Variants in LIMCH1 observed in about 807,000 individuals in gnomAD.
LIMCH1 encodes the protein LIM and calponin homology domains 1, also known as LIM and calponin homology domains-containing protein 1.
In LIMCH1, 113 loss-of-function variants were observed where a neutral mutation model predicts 176.5. That is an observed-to-expected ratio of 0.64 (90% CI 0.55 to 0.75). LIMCH1 has a LOEUF of 0.75. Among genes scored for constraint, LIMCH1 ranks in the 30% least tolerant of loss-of-function variants. The pLI, the probability that LIMCH1 is intolerant of heterozygous loss-of-function variation, is 0.00. For synonymous variants in LIMCH1, 619 were observed against 645.9 expected, an observed-to-expected ratio of 0.96 and a Z score of 0.63; for missense variants, 1,674 against 1,814.9, an observed-to-expected ratio of 0.92 and a Z score of 1.41.
chr4:41,391,569 A>G (rs903968319), intron 1 of LIMCH1, among the ~76,000 whole-genome samples: 7 of 152,140 alleles, frequency 4.6e-5, no homozygotes, highest in African/African-American at 1.4e-4. Context: ...ATTCAAGATG[A>G]ACCTTCCCAA....
intron 1 of LIMCH1, among the ~76,000 whole-genome samples, chr4:41,364,040 G>A (rs980179256): frequency 3.1e-4 from 47 of 152,192 alleles, no homozygotes; most frequent in African/African-American, 1.1e-3. Context: ...TTACTTTGTA[G>A]CTGGATGACC....
At chr4:41,519,906 T>C (rs1185466143) in intron 2 of LIMCH1, among the ~76,000 whole-genome samples, 1 of 152,174 alleles carries the variant, frequency 6.6e-6, no homozygotes. Context: ...CTAATATGTA[T>C]AGGATTCAAC....
chr4:41,656,182 A>G (rs1176019175), intron 18 of LIMCH1, among the ~76,000 whole-genome samples: 1 of 152,148 alleles, frequency 6.6e-6, no homozygotes, highest in East Asian at 1.9e-4. Context: ...TTCAGTACTT[A>G]TGTTTTCTGA....
intron 1 of LIMCH1, chr4:41,386,066 G>C (rs765899306): frequency 4.6e-5 from 7 of 152,202 alleles, no homozygotes; most frequent in Non-Finnish European, 7.3e-5. Flanking sequence ...CATAGTCAAT[G>C]AATTGATACA....
At chr4:41,595,678 C>T (rs1360104507) in intron 1 of LIMCH1, among the ~76,000 whole-genome samples, 1 of 152,150 alleles carries the variant, frequency 6.6e-6, no homozygotes, top group Non-Finnish European at 1.5e-5. Flanking sequence ...ACATAATTCA[C>T]CATAATGGTC....
intron 2 of LIMCH1, among the ~76,000 whole-genome samples, chr4:41,600,246 G>A (rs1349535117): frequency 2.0e-5 from 3 of 152,094 alleles, no homozygotes; most frequent in Admixed American, 6.5e-5. Flanking sequence ...TATGGAAACC[G>A]CACTAAACCT....
At position 41,699,468 on chromosome 4, in the gene LIMCH1, G is replaced by T. The variant is rs976896752; in HGVS notation, c.*2283G>T. Reference sequence around the variant, plus strand: ...TTATATTTGATTTATATTTCATTTGGAGTCTGTTACATGGCAGCTTAGGCA... The same window carrying T: ...TTATATTTGATTTATATTTCATTTGTAGTCTGTTACATGGCAGCTTAGGCA... On this transcript the variant is annotated 3_prime_UTR_variant, in exon 32 of 32. Coordinates refer to ENST00000503057, the MANE Select transcript of LIMCH1 (RefSeq NM_001330672.2). 2.0e-5 allele frequency: 3 copies of T among 151,756 alleles called. No homozygotes were observed. Among genetic ancestry groups the T allele is most frequent in the Admixed American group, 2.0e-4 (3 of 15,212 alleles). 9.4% of individuals were successfully genotyped at this position (151,756 alleles called of 1,614,324 possible). A position where few individuals can be genotyped will look rare whatever the true frequency, so the allele number is the denominator to read the frequency against.
chr4:41,486,827 G>T (rs2069640783), intron 1 of LIMCH1, among the ~76,000 whole-genome samples: 2 of 151,770 alleles, frequency 1.3e-5, no homozygotes, highest in African/African-American at 2.4e-5. Flanking sequence ...TGTTGCCCAG[G>T]CTGGAGTGCA....
chr4:41,592,031 A>G (rs1246136811), intron 1 of LIMCH1, among the ~76,000 whole-genome samples: 1 of 152,212 alleles, frequency 6.6e-6, no homozygotes, highest in African/African-American at 2.4e-5. Context: ...TGCCTTCTGA[A>G]GAAAAGAGGA....
chr4:41,445,831 C>A (rs917064733), intron 1 of LIMCH1, among the ~76,000 whole-genome samples: 1 of 152,228 alleles, frequency 6.6e-6, no homozygotes, highest in Non-Finnish European at 1.5e-5. Context: ...GTACCTTTCT[C>A]TTCCAGGATG....
intron 1 of LIMCH1, among the ~76,000 whole-genome samples, chr4:41,568,371 C>T (rs1165800979): frequency 1.3e-5 from 2 of 152,196 alleles, no homozygotes; most frequent in South Asian, 2.1e-4. Flanking sequence ...GGAGAGCCAA[C>T]GTGACAGCTG....
intron 31 of LIMCH1, 141 bp downstream of exon 31, chr4:41,692,525 A>G (rs919664192): frequency 1.7e-6 from 1 of 592,396 alleles, no homozygotes; most frequent in South Asian, 2.1e-5. Context: ...CTAGGTTAAA[A>G]AAGAAAAGAT....
At position 41,451,202 on chromosome 4, in the gene LIMCH1, G is replaced by A. The variant is rs373539868; in HGVS notation, c.97-43334G>A. ...ACGATCTTGGCTCACCGCAACCTCCGCCTCCCGGGTTCAAGCTATTCTCCT... is the reference window on the plus strand; with the variant it reads ...ACGATCTTGGCTCACCGCAACCTCCACCTCCCGGGTTCAAGCTATTCTCCT... On this transcript the variant is annotated intron_variant, in intron 1 of 26. Coordinates refer to the LIMCH1 transcript ENST00000313860. 2.0e-3 allele frequency among the ~76,000 whole-genome samples: 302 copies of A among 152,174 alleles called. 1 individual carries two copies. Among genetic ancestry groups the A allele is most frequent in the African/African-American group, 6.5e-3 (269 of 41,534 alleles).
intron 9 of LIMCH1, among the ~76,000 whole-genome samples, chr4:41,630,777 G>A (rs1188420445): frequency 1.3e-5 from 2 of 152,150 alleles, no homozygotes; most frequent in East Asian, 1.9e-4. Flanking sequence ...AAATGGTATA[G>A]TATTTGCATA....
At position 41,620,575 on chromosome 4, in the gene LIMCH1, G is replaced by A; in HGVS notation, c.610G>A (p.Ala204Thr). 1 of 1,536,300 alleles carries A rather than the reference G, an allele frequency of 6.5e-7. No individual in the cohort carries two copies. The highest frequency in any genetic ancestry group is 8.7e-7 in the Non-Finnish European group (1 of 1,146,976). The stretch of plus-strand genomic sequence containing the variant: ...TAAGGAGCACCCTTCTTCAGACGGG[G>A]CTGTGGTGGCACCAGCTCCCAAGTC... ...SGKEHPSSDG[A>T]VVAPAPKSEE... Residue 204 changes from alanine to threonine, a missense_variant, in exon 7 of 32, where the codon GCT becomes ACT. Around this residue, in one of 3 missense-constraint regions of LIMCH1, gnomAD observed 655 missense variants for 692.2 expected, o/e 0.95. Transcript: ENST00000503057.
At chr4:41,635,857 G>T (rs1283008424) in intron 13 of LIMCH1, among the ~76,000 whole-genome samples, 3 of 152,148 alleles carry the variant, frequency 2.0e-5, no homozygotes, top group African/African-American at 7.2e-5. Flanking sequence ...CATAAATACA[G>T]GCAATGGGTG....
intron 1 of LIMCH1, among the ~76,000 whole-genome samples, chr4:41,380,300 T>C (rs2055453417): frequency 6.6e-6 from 1 of 152,120 alleles, no homozygotes; most frequent in African/African-American, 2.4e-5. Context: ...AGATTTGATA[T>C]CTTCTTTTCT....
rs1318120968 is a variant in LIMCH1 at position 41,419,705 on chromosome 4, T to TTCC, written c.96+58771_96+58773dup. Among the ~76,000 whole-genome samples the TTCC allele has an allele frequency of 6.8e-4, 86 of 126,862 alleles. 3 individuals are homozygous for TTCC. Among genetic ancestry groups the TTCC allele is most frequent in the African/African-American group, 2.8e-3 (81 of 28,930 alleles). The allele number at this position is 126,862 out of a possible 152,430, so 83.2% of individuals were successfully genotyped here. On this transcript the variant is annotated intron_variant, in intron 1 of 26. Transcript: ENST00000313860. ...CCTCCTTCCTTCCTTCCTTCCTTCC[T>TTCC]TCCTTCCTTCCTTCCTCCTTCCTTT...
chr4:41,372,340 AT>A (rs1314413899), intron 1 of LIMCH1, among the ~76,000 whole-genome samples: 1 of 152,186 alleles, frequency 6.6e-6, no homozygotes, highest in Non-Finnish European at 1.5e-5. Context: ...GGCCTTTTAC[AT>A]GAACTCTGTA....
Sources: gnomAD v4.1 joint callset for allele counts (sites outside exome capture counted in the v4.1 genomes callset) on GRCh38, gnomAD v4.1.1 for gene constraint, gnomAD v4.1.1 regional missense constraint, MANE v1.5 for transcripts, NCBI Gene and HGNC (gene_info 2026-07-23, HGNC 2026-07-21) for gene names.